The following PMVK variants were observed in gnomAD, a reference collection of about 807,000 sequenced individuals.
PMVK encodes the protein phosphomevalonate kinase.
PMVK carries 10 observed loss-of-function variants against 19.0 expected under a neutral mutation model. The observed-to-expected ratio is 0.53, with a 90% CI of 0.32 to 0.89. PMVK has a LOEUF of 0.89. Ranked by LOEUF, PMVK falls within the 40% of genes least tolerant of loss-of-function variation. The pLI, the probability that PMVK is intolerant of heterozygous loss-of-function variation, is 0.03. For synonymous variants in PMVK, 108 were observed against 101.6 expected, an observed-to-expected ratio of 1.06 and a Z score of -0.38; for missense variants, 222 against 251.1, an observed-to-expected ratio of 0.88 and a Z score of 0.78.
At chr1:154,932,222 C>G (rs1433461472) in intron 2 of PMVK, 130 bp downstream of exon 2, 9 of 722,862 alleles carry the variant, frequency 1.2e-5, no homozygotes, top group Non-Finnish European at 2.3e-5. Flanking sequence ...TCACAGAAAA[C>G]CAAGAGCTGG....
At chr1:154,941,155 A>G (rs1037135623), upstream of PMVK, among the ~76,000 whole-genome samples, 7 of 152,228 alleles carry the variant, frequency 4.6e-5, no homozygotes, top group Non-Finnish European at 1.0e-4. Context: ...CTCTGGTTAG[A>G]AAAGATCTGG....
At chr1:154,927,156 A>G (rs1342571563) in intron 3 of PMVK, among the ~76,000 whole-genome samples, 1 of 152,096 alleles carries the variant, frequency 6.6e-6, no homozygotes, top group African/African-American at 2.4e-5. Flanking sequence ...TTTGTCTGTT[A>G]CAGAAAGGTC....
chr1:154,933,796 T>C (rs1654419147), intron 1 of PMVK, among the ~76,000 whole-genome samples: 1 of 151,754 alleles, frequency 6.6e-6, no homozygotes. Context: ...ACGGCCCTTC[T>C]TTTTTTCTCT....
At chr1:154,930,943 G>A (rs1654315745) in intron 2 of PMVK, among the ~76,000 whole-genome samples, 1 of 151,872 alleles carries the variant, frequency 6.6e-6, no homozygotes, top group African/African-American at 2.4e-5. Flanking sequence ...TTTAAACTTA[G>A]CCAGGCATAG....
intron 1 of PMVK, among the ~76,000 whole-genome samples, chr1:154,935,058 CAAAAAAAA>C (rs569402578): frequency 1.8e-4 from 4 of 22,264 alleles, no homozygotes; most frequent in Admixed American, 6.7e-4. Context: ...GACTCCGTCT[CAAAAAAAA>C]AAAAAAAAAA....
chr1:154,938,498 G>A (rs1258207369), upstream of PMVK, among the ~76,000 whole-genome samples: 1 of 152,188 alleles, frequency 6.6e-6, no homozygotes, highest in East Asian at 1.9e-4. Context: ...TCAGGAGGCT[G>A]AGGCATGAGA....
chr1:154,936,825 A>C (rs1654524060), upstream of PMVK: 1 of 713,028 alleles, frequency 1.4e-6, no homozygotes. Flanking sequence ...AGCTGCGAAC[A>C]GGGCTGACCG....
At chr1:154,928,012 T>C (rs1654221253) in intron 3 of PMVK, among the ~76,000 whole-genome samples, 1 of 152,168 alleles carries the variant, frequency 6.6e-6, no homozygotes. Context: ...GAGATTTCAT[T>C]GCGCTTTTGC....
chr1:154,937,022 C>T (rs1654531748), upstream of PMVK: 4 of 224,190 alleles, frequency 1.8e-5, no homozygotes, highest in South Asian at 1.6e-4. Context: ...AACTGACACC[C>T]GGGGAGGAAC....
chr1:154,931,742 C>G (rs1358476663), intron 2 of PMVK, among the ~76,000 whole-genome samples: 1 of 149,922 alleles, frequency 6.7e-6, no homozygotes, highest in East Asian at 1.9e-4. Flanking sequence ...GCATTCTCTA[C>G]ACACTGTTCT....
chr1:154,933,532 C>T (rs1175625345), intron 1 of PMVK, among the ~76,000 whole-genome samples: 3 of 143,444 alleles, frequency 2.1e-5, no homozygotes, highest in African/African-American at 8.0e-5. Flanking sequence ...CTTGCTCCAC[C>T]ACCCAGGCTG....
At position 154,925,218 on chromosome 1, in the gene PMVK, A is replaced by T. The variant is rs776306969; in HGVS notation, c.490T>A (p.Phe164Ile). Reference protein sequence around the residue: ...SECGLDNFGDFDWVIENHGVE... With the variant: ...SECGLDNFGDIDWVIENHGVE... ...CCATGGTTCTCGATGACCCAGTCAA[A>T]GTCCCCGAAGTTGTCCAGGCCACAT... is the stretch of plus-strand genomic sequence containing the variant. Residue 164 changes from phenylalanine to isoleucine, a missense_variant, in exon 5 of 5, where the codon TTT (phenylalanine) becomes ATT (isoleucine). Transcript: ENST00000368467. 1.9e-6 allele frequency: 3 copies of T among 1,614,072 alleles called. No homozygotes were observed. The highest frequency in any genetic ancestry group is 2.5e-6 in the Non-Finnish European group (3 of 1,179,960).
At chr1:154,928,259 C>T (rs1392573081) in intron 3 of PMVK, among the ~76,000 whole-genome samples, 1 of 152,156 alleles carries the variant, frequency 6.6e-6, no homozygotes, top group Non-Finnish European at 1.5e-5. Context: ...AGGGCATGTG[C>T]AAAGGCCCTG....
intron 1 of PMVK, among the ~76,000 whole-genome samples, chr1:154,936,112 T>C (rs893796858): frequency 1.3e-5 from 2 of 152,224 alleles, no homozygotes; most frequent in African/African-American, 4.8e-5. Flanking sequence ...AGACAGGGTC[T>C]CGCTCTGTCG....
chr1:154,926,446 C>A lies in PMVK; in HGVS notation c.350G>T (p.Trp117Leu), dbSNP rs1241029629. 1 of 1,613,814 alleles carries A rather than the reference C, an allele frequency of 6.2e-7. No homozygotes were observed. ...CACGGCCCCATAGGCCTCCCGAAAC[C>A]ACTGGATGTCAGACACTCTCCGTGT... is the stretch of plus-strand genomic sequence containing the variant. ...SDTRRVSDIQWFREAYGAVTQ... is the reference protein window; with the variant it reads ...SDTRRVSDIQLFREAYGAVTQ... Residue 117 changes from tryptophan (W) to leucine (L), a missense_variant, in exon 4 of 5, where the codon TGG becomes TTG. Coordinates refer to ENST00000368467, the MANE Select transcript of PMVK (RefSeq NM_006556.4).
intron 1 of PMVK, chr1:154,936,302 C>A: frequency 1.3e-6 from 1 of 748,762 alleles, no homozygotes; most frequent in Non-Finnish European, 1.6e-6. Flanking sequence ...GGCTGGTATC[C>A]AACGCCTGGT....
At chr1:154,926,280 C>G in intron 4 of PMVK, 74 bp downstream of exon 4, 1 of 1,445,250 alleles carries the variant, frequency 6.9e-7, no homozygotes. Flanking sequence ...TCACTTCCCC[C>G]AGGCCTGCCC....
intron 1 of PMVK, among the ~76,000 whole-genome samples, chr1:154,935,062 A>AC (rs1654461216): frequency 6.8e-6 from 1 of 146,510 alleles, no homozygotes; most frequent in Non-Finnish European, 1.5e-5. Context: ...CCGTCTCAAA[A>AC]AAAAAAAAAA....
At chr1:154,942,166 G>A in the PMVK span, among the ~76,000 whole-genome samples, 3 of 152,186 alleles carry the variant, frequency 2.0e-5, no homozygotes, top group East Asian at 1.9e-4. Context: ...AGCTCCCAGC[G>A]GAAAAGGCAG....
Sources: allele counts gnomAD v4.1 joint callset (sites outside exome capture counted in the v4.1 genomes callset), GRCh38; gene constraint gnomAD v4.1.1; transcripts MANE v1.5; gene names NCBI Gene and HGNC (gene_info 2026-07-23, HGNC 2026-07-21).